The following REEP3 variants were observed in gnomAD, a reference collection of about 807,000 sequenced individuals.
REEP3 encodes receptor expression-enhancing protein 3.
REEP3 carries 20 observed loss-of-function variants against 41.3 expected under a neutral mutation model. The observed-to-expected ratio is 0.48, with a 90% CI of 0.34 to 0.70. REEP3 has a LOEUF of 0.70. REEP3 is among the 30% of genes least tolerant of loss of function. The pLI is 0.01. For synonymous variants in REEP3, 104 were observed against 101.8 expected (o/e 1.02, Z -0.13); for missense variants, 271 against 308.8 (o/e 0.88, Z 0.92).
At chr10:63,543,261 T>C (rs1955546086) in intron 1 of REEP3, among the ~76,000 whole-genome samples, 2 of 152,246 alleles carry the variant, frequency 1.3e-5, no homozygotes, top group African/African-American at 2.4e-5. Flanking sequence ...ATCTTTCTCA[T>C]GTTTTAATAA....
intron 1 of REEP3, 96 bp downstream of exon 1, chr10:63,521,673 G>A (rs1564987180): frequency 1.1e-6 from 1 of 924,762 alleles, no homozygotes; most frequent in Non-Finnish European, 1.5e-6. Context: ...CCTGGGCCTG[G>A]GCGGGGACGG....
intron 3 of REEP3, among the ~76,000 whole-genome samples, chr10:63,596,169 A>C (rs977009765): frequency 6.6e-6 from 1 of 152,118 alleles, no homozygotes; most frequent in Non-Finnish European, 1.5e-5. Context: ...CTTATTTGCA[A>C]ACGTCACTGT....
rs181465975 is a variant in REEP3 at position 63,616,598 on chromosome 10, T to C, written c.566-3057T>C. The stretch of plus-strand genomic sequence containing the variant: ...ATAAGATGTATAATCAGCTTTTGAA[T>C]GAAATTCCAATTCCTAATCATACAA... On this transcript the variant is annotated intron_variant, in intron 6 of 7. Transcript: ENST00000373758. Among the ~76,000 whole-genome samples, 2 of 152,202 alleles carry C rather than the reference T, an allele frequency of 1.3e-5. 1 individual carries two copies. Among genetic ancestry groups the C allele is most frequent in the East Asian group, 3.9e-4 (2 of 5,192 alleles).
chr10:63,593,072 G>T (rs1181729760), intron 2 of REEP3, among the ~76,000 whole-genome samples: 1 of 152,180 alleles, frequency 6.6e-6, no homozygotes, highest in Non-Finnish European at 1.5e-5. Flanking sequence ...CCAGCACTTC[G>T]GGAGGCCGAG....
chr10:63,575,006 G>A (rs1054182686), intron 2 of REEP3, among the ~76,000 whole-genome samples: 3 of 151,602 alleles, frequency 2.0e-5, no homozygotes, highest in Non-Finnish European at 4.4e-5. Context: ...ATAGGCATGC[G>A]CCACCATGCC....
At chr10:63,619,854 G>C in intron 7 of REEP3, 54 bp downstream of exon 7, 1 of 1,432,214 alleles carries the variant, frequency 7.0e-7, no homozygotes, top group Admixed American at 2.0e-5. Context: ...TTTCCCTGCT[G>C]TGTTATCATT....
chr10:63,577,393 T>G (rs10822184), intron 2 of REEP3, among the ~76,000 whole-genome samples: 143 of 151,998 alleles, frequency 9.4e-4, no homozygotes, highest in African/African-American at 3.3e-3. Context: ...CTTAAGCAGA[T>G]GTACAGCCAT....
chr10:63,617,779 G>A (rs959941800), intron 6 of REEP3, among the ~76,000 whole-genome samples: 3 of 129,870 alleles, frequency 2.3e-5, no homozygotes, highest in Non-Finnish European at 3.3e-5. Flanking sequence ...AATCTATCCC[G>A]TGCCTTCTCC....
At chr10:63,582,992 C>CTTTTTTTTTTTTTTTTTTTTTTT (rs1391434567) in intron 2 of REEP3, among the ~76,000 whole-genome samples, 3 of 151,574 alleles carry the variant, frequency 2.0e-5, no homozygotes, top group Non-Finnish European at 1.5e-5. Context: ...AGTTTTTTTT[C>CTTTTTTTTTTTTTTTTTTTTTTT]TTTTTTGTTT....
At position 63,555,223 on chromosome 10, in the gene REEP3, G is replaced by A. The variant is rs942681487; in HGVS notation, c.33-11115G>A. On this transcript the variant is annotated intron_variant, in intron 1 of 7. Coordinates refer to ENST00000373758, the MANE Select transcript of REEP3 (RefSeq NM_001001330.3). Reference sequence around the variant, plus strand: ...CATGGTTTTAAACATGGGGACCTTTGGTTATAGAATTCAGGATTTGGGGCT... The same window carrying A: ...CATGGTTTTAAACATGGGGACCTTTAGTTATAGAATTCAGGATTTGGGGCT... Among the ~76,000 whole-genome samples the A allele has an allele frequency of 5.9e-5, 9 of 152,168 alleles. No homozygotes were observed. The South Asian group carries it at 1.5e-3, about 25-fold the overall frequency.
intron 1 of REEP3, among the ~76,000 whole-genome samples, chr10:63,562,755 G>C (rs944306272): frequency 6.6e-6 from 1 of 152,178 alleles, no homozygotes; most frequent in Non-Finnish European, 1.5e-5. Context: ...AATATGGAGA[G>C]ATGTAAATAT....
At chr10:63,541,669 T>G (rs995211521) in intron 1 of REEP3, among the ~76,000 whole-genome samples, 7 of 152,200 alleles carry the variant, frequency 4.6e-5, no homozygotes, top group Non-Finnish European at 7.4e-5. Context: ...AACTCTCCAG[T>G]TATATTAACG....
chr10:63,546,234 T>G (rs911490922), intron 1 of REEP3, among the ~76,000 whole-genome samples: 8 of 152,200 alleles, frequency 5.3e-5, no homozygotes, highest in Non-Finnish European at 1.2e-4. Flanking sequence ...ACAGCCTGTA[T>G]CGAAGCAAAG....
chr10:63,528,401 T>G (rs971418261), intron 1 of REEP3, among the ~76,000 whole-genome samples: 5 of 152,178 alleles, frequency 3.3e-5, no homozygotes, highest in African/African-American at 1.2e-4. Flanking sequence ...GCAAATCTTG[T>G]TGACTCTGCT....
chr10:63,545,460 C>G (rs1305223458), intron 1 of REEP3, among the ~76,000 whole-genome samples: 1 of 150,884 alleles, frequency 6.6e-6, no homozygotes, highest in Non-Finnish European at 1.5e-5. Flanking sequence ...CTGCAACCTC[C>G]GCCTCCCAAG....
rs998391370 is a variant in REEP3 at position 63,558,055 on chromosome 10, T to C, written c.33-8283T>C. Among the ~76,000 whole-genome samples the C allele has an allele frequency of 9.2e-5, 14 of 152,240 alleles. 1 individual carries two copies. The highest frequency in any genetic ancestry group is 3.9e-4 in the Admixed American group (6 of 15,286). On this transcript the variant is annotated intron_variant, in intron 1 of 7. Coordinates refer to ENST00000373758, the MANE Select transcript of REEP3 (RefSeq NM_001001330.3). ...GACTAATAAAATAGTGCCGTATTTCTCTACTTCTTATGGATTTTATAGAGC... is the reference window on the plus strand; with the variant it reads ...GACTAATAAAATAGTGCCGTATTTCCCTACTTCTTATGGATTTTATAGAGC...
At chr10:63,542,322 C>T (rs1955536521) in intron 1 of REEP3, among the ~76,000 whole-genome samples, 4 of 152,198 alleles carry the variant, frequency 2.6e-5, no homozygotes, top group Admixed American at 1.3e-4. Context: ...GTGATCCACC[C>T]GCCTCTGTCT....
chr10:63,550,916 G>C (rs940609844), intron 1 of REEP3, among the ~76,000 whole-genome samples: 4 of 152,152 alleles, frequency 2.6e-5, no homozygotes, highest in African/African-American at 7.2e-5. Context: ...AGGGTTCACA[G>C]ATATACAATA....
chr10:63,539,318 G>A (rs1357506645), intron 1 of REEP3, among the ~76,000 whole-genome samples: 1 of 152,138 alleles, frequency 6.6e-6, no homozygotes, highest in Non-Finnish European at 1.5e-5. Context: ...CTGATAAACA[G>A]GCAAAATTTT....
Sources: gnomAD v4.1 joint callset for allele counts (sites outside exome capture counted in the v4.1 genomes callset) on GRCh38, gnomAD v4.1.1 for gene constraint, MANE v1.5 for transcripts, NCBI Gene and HGNC (gene_info 2026-07-23, HGNC 2026-07-21) for gene names.